The following MESP1 variants were observed in gnomAD, a reference collection of about 807,000 sequenced individuals.
MESP1 encodes mesoderm posterior protein 1.
Under a neutral mutation model 15.2 loss-of-function variants are expected in MESP1, and 22 were observed. The ratio of observed to expected loss-of-function variants is 1.45; its 90% CI spans 1.04 to 2.07. MESP1 has a LOEUF of 2.07. Among genes scored for constraint, MESP1 ranks in the 30% most tolerant of loss-of-function variants. MESP1 has a pLI of 0.00. For synonymous variants in MESP1, 216 were observed against 192.6 expected, an observed-to-expected ratio of 1.12 and a Z score of -1.01; for missense variants, 484 against 411.9, an observed-to-expected ratio of 1.17 and a Z score of -1.51.
chr15:89,747,357 C>T (rs1967991045), downstream of MESP1, among the ~76,000 whole-genome samples: 1 of 152,242 alleles, frequency 6.6e-6, no homozygotes, highest in African/African-American at 2.4e-5. Context: ...GCACACAGCC[C>T]GGCCAAGGGT....
In MESP1 at chr15:89,750,942, G is replaced by A; in HGVS notation, c.290C>T (p.Thr97Met). 2 of 1,451,648 alleles carry A rather than the reference G, an allele frequency of 1.4e-6. No homozygotes were observed. Among genetic ancestry groups the A allele is most frequent in the South Asian group, 1.4e-5 (1 of 74,010 alleles). 89.9% of individuals were successfully genotyped at this position (1,451,648 alleles called of 1,614,324 possible). Residue 97 changes from threonine (T) to methionine (M), a missense_variant, in exon 1 of 2, where the codon ACG (threonine) becomes ATG (methionine). By Grantham distance (81) the Thr-to-Met change is moderately conservative. Coordinates refer to ENST00000300057, the MANE Select transcript of MESP1 (RefSeq NM_018670.4). ...CAGCTCGTGCAGGGCGCGGGCCAGC[G>A]TGCGCATGCGCAGTTTCTCCCGCTC... ...ASEREKLRMR[T>M]LARALHELRR...
chr15:89,741,332 G>A, the MESP1 span, among the ~76,000 whole-genome samples: 2 of 152,080 alleles, frequency 1.3e-5, no homozygotes, highest in Non-Finnish European at 2.9e-5. Flanking sequence ...CCGGGCTCAG[G>A]CAATCCTGCC....
chr15:89,743,228 C>G, the MESP1 span: 1 of 1,564,756 alleles, frequency 6.4e-7, no homozygotes, highest in Admixed American at 1.7e-5. Context: ...GAGGTCTGCC[C>G]TGGGGGCTCG....
At position 89,750,188 on chromosome 15, in the gene MESP1, T is replaced by A. The variant is rs747098097; in HGVS notation, c.763A>T (p.Met255Leu). ...GDVLALLETW[M>L]PLSPLEWLPE... ...AGCCACTCCAGAGGCGAGAGGGGCA[T>A]CCAGGTCTCCAACAGAGCCAGCACG... The change falls in exon 2 of 2, where the codon ATG becomes TTG. Residue 255 changes from methionine to leucine, a missense_variant. By Grantham distance (15) the Met-to-Leu change is conservative. Coordinates refer to ENST00000300057, the MANE Select transcript of MESP1 (RefSeq NM_018670.4). 2.5e-6 allele frequency: 4 copies of A among 1,614,032 alleles called. No homozygotes were observed. The highest frequency in any genetic ancestry group is 2.5e-6 in the Non-Finnish European group (3 of 1,180,006).
Position 89,751,058 on chromosome 15 carries a change from T to G in MESP1, c.174A>C (p.Pro58=), listed in dbSNP as rs28377352. ...ADSPVASPAR[P]GTLRDPRAPS... ...GGGCGCGGGGGTCCCGGAGGGTGCC[T>G]GGCCGCGCGGGGCTCGCCACGGGGC... The change falls in exon 1 of 2, where the codon CCA becomes CCC. Residue 58 remains proline, a synonymous_variant. Transcript: ENST00000300057. The G allele has an allele frequency of 0.27, 357,770 of 1,302,904 alleles. 51,264 individuals carry two copies. The highest frequency in any genetic ancestry group is 0.39 in the African/African-American group (25,118 of 64,730). The allele number at this position is 1,302,904 out of a possible 1,614,324, so 80.7% of individuals were successfully genotyped here.
At chr15:89,741,892 C>T in the MESP1 span, among the ~76,000 whole-genome samples, 1 of 152,166 alleles carries the variant, frequency 6.6e-6, no homozygotes, top group Non-Finnish European at 1.5e-5. Flanking sequence ...GCTGGGACTA[C>T]AGGCACATGC....
the MESP1 span, among the ~76,000 whole-genome samples, chr15:89,738,626 CAAA>C: frequency 3.9e-4 from 32 of 81,440 alleles, no homozygotes; most frequent in African/African-American, 6.5e-4. Flanking sequence ...GACTCTGTCC[CAAA>C]AAAAAAAAAA....
the MESP1 span, among the ~76,000 whole-genome samples, chr15:89,743,997 G>A: frequency 6.6e-6 from 1 of 152,282 alleles, no homozygotes; most frequent in Admixed American, 6.5e-5. Context: ...CGCTAGAGGT[G>A]GCTGGGCAGA....
At chr15:89,746,335 C>A (rs961334334), downstream of MESP1, among the ~76,000 whole-genome samples, 1 of 143,738 alleles carries the variant, frequency 7.0e-6, no homozygotes, top group Admixed American at 6.8e-5. Flanking sequence ...ATCCACACCT[C>A]CACACATCCA....
At chr15:89,747,511 G>A (rs938900864), downstream of MESP1, among the ~76,000 whole-genome samples, 10 of 152,200 alleles carry the variant, frequency 6.6e-5, no homozygotes, top group South Asian at 4.1e-4. Flanking sequence ...CCCCTGTGCC[G>A]GTGCAGTCCT....
the MESP1 span, among the ~76,000 whole-genome samples, chr15:89,741,248 G>A: frequency 6.6e-6 from 1 of 152,006 alleles, no homozygotes; most frequent in African/African-American, 2.4e-5. Context: ...TTTTTATTTT[G>A]TCTATTTTTT....
chr15:89,751,055 G>C lies in MESP1; in HGVS notation c.177C>G (p.Gly59=). Residue 59 remains glycine, a synonymous_variant, in exon 1 of 2, where the codon GGC becomes GGG. Coordinates refer to ENST00000300057, the MANE Select transcript of MESP1 (RefSeq NM_018670.4). The part of the protein sequence containing the change: ...DSPVASPARP[G]TLRDPRAPSV... ...AGGGGGCGCGGGGGTCCCGGAGGGT[G>C]CCTGGCCGCGCGGGGCTCGCCACGG... 7.5e-7 allele frequency: 1 copy of C among 1,327,212 alleles called. No homozygotes were observed. Among genetic ancestry groups the C allele is most frequent in the South Asian group, 2.1e-5 (1 of 46,546 alleles). 82.2% of individuals were successfully genotyped at this position (1,327,212 alleles called of 1,614,324 possible). A position where few individuals can be genotyped will look rare whatever the true frequency, so the allele number is the denominator to read the frequency against.
At chr15:89,747,967 T>C (rs545253947), downstream of MESP1, among the ~76,000 whole-genome samples, 10 of 152,222 alleles carry the variant, frequency 6.6e-5, no homozygotes, top group South Asian at 2.1e-3. Flanking sequence ...CAGTGGGAGA[T>C]GTCCCCTGCC....
chr15:89,750,276 T>G (rs770942922), intron 1 of MESP1, 49 bp from the exon 2 acceptor site: 2 of 1,604,878 alleles, frequency 1.2e-6, no homozygotes, highest in Admixed American at 3.3e-5. Flanking sequence ...GGTGGCCTTG[T>G]GCGGGTGTCC....
chr15:89,750,919 G>T lies in MESP1; in HGVS notation c.313C>A (p.Leu105Met). The T allele has an allele frequency of 6.8e-7, 1 of 1,480,880 alleles. No homozygotes were observed. The highest frequency in any genetic ancestry group is 1.4e-5 in the African/African-American group (1 of 69,174). 91.7% of individuals were successfully genotyped at this position (1,480,880 alleles called of 1,614,324 possible). A position where few individuals can be genotyped will look rare whatever the true frequency, so the allele number is the denominator to read the frequency against. ...ACGGACGGCGGTAGAAAGCGGCGCA[G>T]CTCGTGCAGGGCGCGGGCCAGCGTG... The part of the protein sequence containing the change: ...MRTLARALHE[L>M]RRFLPPSVAP... The change falls in exon 1 of 2, where the codon CTG (leucine) becomes ATG (methionine). Residue 105 changes from leucine to methionine, a missense_variant. By Grantham distance (15) the Leu-to-Met change is conservative. Coordinates refer to ENST00000300057, the MANE Select transcript of MESP1 (RefSeq NM_018670.4).
At chr15:89,739,427 ATG>A in the MESP1 span, among the ~76,000 whole-genome samples, 5 of 152,100 alleles carry the variant, frequency 3.3e-5, no homozygotes, top group Non-Finnish European at 5.9e-5. Flanking sequence ...ATAAACCGTT[ATG>A]TGTGTGTTTC....
the MESP1 span, among the ~76,000 whole-genome samples, chr15:89,736,284 G>A: frequency 1.2e-4 from 18 of 152,170 alleles, no homozygotes; most frequent in Admixed American, 1.1e-3. Context: ...TCCTTACAGG[G>A]CCCACTTCAG....
chr15:89,733,501 T>C, the MESP1 span, among the ~76,000 whole-genome samples: 1 of 152,194 alleles, frequency 6.6e-6, no homozygotes, highest in African/African-American at 2.4e-5. Flanking sequence ...GATGGGGCCT[T>C]TAGGAGATGA....
the MESP1 span, among the ~76,000 whole-genome samples, chr15:89,743,930 G>A: frequency 6.6e-6 from 1 of 152,238 alleles, no homozygotes; most frequent in African/African-American, 2.4e-5. Context: ...AGAGTGGGAG[G>A]GAGAGGTGGC....
Sources: gnomAD v4.1 joint callset for allele counts (sites outside exome capture counted in the v4.1 genomes callset) on GRCh38, gnomAD v4.1.1 for gene constraint, MANE v1.5 for transcripts, NCBI Gene and HGNC (gene_info 2026-07-23, HGNC 2026-07-21) for gene names.